PYHIN1: variants seen among roughly 807,000 people sequenced by gnomAD.
The protein encoded by PYHIN1 is pyrin and HIN domain-containing protein 1.
PYHIN1 carries 32 observed loss-of-function variants against 43.7 expected under a neutral mutation model. The ratio of observed to expected loss-of-function variants is 0.73; its 90% CI spans 0.55 to 0.98. The LOEUF is 0.98. PYHIN1 is among the 50% of genes least tolerant of loss of function. The pLI is 0.00. For synonymous variants in PYHIN1, 205 were observed against 203.1 expected (o/e 1.01, Z -0.08); for missense variants, 588 against 589.5 (o/e 1.00, Z 0.03).
chr1:158,939,778 TG>T (rs1648800964), intron 4 of PYHIN1: 1 of 513,248 alleles, frequency 1.9e-6, no homozygotes. Context: ...TCTTTTCTAC[TG>T]TTTATGACAA....
intron 6 of PYHIN1, 91 bp downstream of exon 6, chr1:158,944,069 T>A: frequency 9.2e-7 from 1 of 1,091,328 alleles, no homozygotes; most frequent in Non-Finnish European, 1.3e-6. Flanking sequence ...GTTTTACACT[T>A]AAAATTCTGC....
chr1:158,952,028 C>A (rs856089), intron 7 of PYHIN1, among the ~76,000 whole-genome samples: 2 of 151,572 alleles, frequency 1.3e-5, no homozygotes, highest in South Asian at 2.1e-4. Flanking sequence ...GGTCCGCCTG[C>A]GGAGCTGGAG....
At chr1:158,963,069 C>A (rs1339238264) in intron 7 of PYHIN1, among the ~76,000 whole-genome samples, 1 of 152,142 alleles carries the variant, frequency 6.6e-6, no homozygotes, top group East Asian at 1.9e-4. Context: ...CTAGTTGTGG[C>A]CAGCAATGTA....
At chr1:158,970,666 A>G (rs1273239851) in intron 7 of PYHIN1, among the ~76,000 whole-genome samples, 1 of 152,006 alleles carries the variant, frequency 6.6e-6, no homozygotes, top group Non-Finnish European at 1.5e-5. Context: ...TACCTCCTCA[A>G]TGAGATTTTC....
intron 7 of PYHIN1, among the ~76,000 whole-genome samples, chr1:158,969,410 A>G (rs1338601265): frequency 1.3e-5 from 2 of 151,940 alleles, no homozygotes; most frequent in African/African-American, 2.4e-5. Context: ...CTTCCAATCT[A>G]GTATCTTACC....
downstream of PYHIN1, among the ~76,000 whole-genome samples, chr1:158,978,721 G>A (rs907453918): frequency 6.6e-6 from 1 of 152,130 alleles, no homozygotes; most frequent in African/African-American, 2.4e-5. Flanking sequence ...TCTAAGGACA[G>A]TCATGTCTGT....
In PYHIN1 at chr1:158,959,388, C is replaced by G. The variant is rs376957426; in HGVS notation, c.1360-14259C>G. 1.3e-4 allele frequency among the ~76,000 whole-genome samples: 20 copies of G among 150,848 alleles called. No individual in the cohort carries two copies. In the South Asian group the frequency reaches 4.0e-3, roughly 30 times the overall value. On this transcript the variant is annotated intron_variant, in intron 7 of 8. Coordinates refer to ENST00000368140, the MANE Select transcript of PYHIN1 (RefSeq NM_152501.5). ...ACCTGTGGGTAATTTGGTTGCCGAC[C>G]GGACCCTTTAGAGAGCAATTATGCA...
intron 2 of PYHIN1, among the ~76,000 whole-genome samples, 170 bp from the exon 3 acceptor site, chr1:158,938,225 CTT>C (rs1431271335): frequency 3.3e-5 from 5 of 152,138 alleles, no homozygotes; most frequent in Non-Finnish European, 2.9e-5. Context: ...GTGTTTGTGC[CTT>C]TGTTTCTCCT....
chr1:158,966,268 T>C (rs1400541879), intron 7 of PYHIN1, among the ~76,000 whole-genome samples: 2 of 152,070 alleles, frequency 1.3e-5, no homozygotes, highest in African/African-American at 2.4e-5. Flanking sequence ...CATGACCAGA[T>C]GGATTCACAG....
At chr1:158,980,278 A>T (rs1651441988), downstream of PYHIN1, among the ~76,000 whole-genome samples, 2 of 152,150 alleles carry the variant, frequency 1.3e-5, no homozygotes, top group Non-Finnish European at 2.9e-5. Context: ...TTAACTGTAC[A>T]GATTGATTGT....
intron 2 of PYHIN1, 150 bp from the exon 3 acceptor site, chr1:158,938,247 C>T: frequency 1.3e-6 from 1 of 797,022 alleles, no homozygotes; most frequent in East Asian, 2.5e-5. Flanking sequence ...TGCTGGCCTC[C>T]TGGAAGCCAG....
chr1:158,971,424 A>T (rs1181782401), intron 7 of PYHIN1, among the ~76,000 whole-genome samples: 1 of 150,034 alleles, frequency 6.7e-6, no homozygotes, highest in Admixed American at 6.7e-5. Flanking sequence ...TACATTAACA[A>T]GATATATATA....
the PYHIN1 span, among the ~76,000 whole-genome samples, chr1:158,986,330 G>A: frequency 1.8e-3 from 268 of 152,282 alleles, no homozygotes; most frequent in Non-Finnish European, 2.9e-3. Flanking sequence ...TATAAGTTGG[G>A]TTTAGTTGAT....
At chr1:158,971,312 T>C (rs563457560) in intron 7 of PYHIN1, among the ~76,000 whole-genome samples, 10 of 152,044 alleles carry the variant, frequency 6.6e-5, no homozygotes, top group Admixed American at 1.3e-4. Flanking sequence ...ATTATTTTCC[T>C]TAGTAAAGAG....
In PYHIN1 at chr1:158,933,900, T is replaced by A. The variant is rs1014939845; in HGVS notation, c.-21+2124T>A. Among the ~76,000 whole-genome samples, 2 of 151,790 alleles carry A rather than the reference T, an allele frequency of 1.3e-5. No individual in the cohort carries two copies. The highest frequency in any genetic ancestry group is 2.4e-5 in the African/African-American group (1 of 41,352). On this transcript the variant is annotated intron_variant, in intron 1 of 8. Coordinates refer to ENST00000368140, the MANE Select transcript of PYHIN1 (RefSeq NM_152501.5). The surrounding 1 kb of genome is among the most constrained non-coding windows in gnomAD (Gnocchi z 6.3). ...TCTTTTGGCCTGCAGCTTTTTAAAA[T>A]TTTTTTTTAATTTTCTATTGAAAAG... is the stretch of plus-strand genomic sequence containing the variant.
intron 7 of PYHIN1, among the ~76,000 whole-genome samples, chr1:158,948,910 G>C (rs1649368563): frequency 6.6e-6 from 1 of 152,188 alleles, no homozygotes; most frequent in Non-Finnish European, 1.5e-5. Flanking sequence ...AACCAAGCCT[G>C]TCCCTGCACC....
In PYHIN1 at chr1:158,945,027, C is replaced by T; in HGVS notation, c.1344C>T (p.Ser448=). ...AGATGCCACCAACAACCCCATCCAGCAGTTCCTTCACCAAGGTACAATATC... is the reference window on the plus strand; with the variant it reads ...AGATGCCACCAACAACCCCATCCAGTAGTTCCTTCACCAAGGTACAATATC... ...TPQMPPTTPS[S]SSFTKKDETH... Residue 448 remains serine (S), a synonymous_variant, in exon 7 of 9, where the codon AGC becomes AGT. Transcript: ENST00000368140. The T allele has an allele frequency of 6.2e-7, 1 of 1,613,198 alleles. No homozygotes were observed.
chr1:158,951,991 T>C (rs1649558999), intron 7 of PYHIN1, among the ~76,000 whole-genome samples: 1 of 152,216 alleles, frequency 6.6e-6, no homozygotes, highest in Non-Finnish European at 1.5e-5. Flanking sequence ...GTCGCTTGTA[T>C]ACAAGGAGCA....
chr1:158,944,766 G>T (rs1351052517), intron 6 of PYHIN1, 109 bp from the exon 7 acceptor site: 1 of 798,976 alleles, frequency 1.3e-6, no homozygotes, highest in Non-Finnish European at 1.8e-6. Flanking sequence ...ATCTTTGAAG[G>T]TAATGACATC....
Sources: gnomAD v4.1 joint callset for allele counts (sites outside exome capture counted in the v4.1 genomes callset) on GRCh38, gnomAD v4.1.1 for gene constraint, Gnocchi (gnomAD v3.1) non-coding constraint, MANE v1.5 for transcripts, NCBI Gene and HGNC (gene_info 2026-07-23, HGNC 2026-07-21) for gene names.